The following POLR2F variants were observed in gnomAD, a reference collection of about 807,000 sequenced individuals.
The protein encoded by POLR2F is DNA-directed RNA polymerases I, II, and III subunit RPABC2.
A neutral mutation model predicts 22.7 loss-of-function variants in POLR2F; 12 were observed. That is an observed-to-expected ratio of 0.53 (90% CI 0.34 to 0.86). POLR2F has a LOEUF of 0.86. POLR2F is among the 40% of genes least tolerant of loss of function. POLR2F has a pLI of 0.02. For missense variants in POLR2F, 126 were observed against 171.5 expected (o/e 0.73, Z 1.48); for synonymous variants, 57 against 66.0 (o/e 0.86, Z 0.66).
chr22:37,973,800 G>T, downstream of POLR2F: 1 of 1,595,254 alleles, frequency 6.3e-7, no homozygotes, highest in Non-Finnish European at 8.6e-7. Context: ...TAGTGTGGGG[G>T]CCCCTGGGGC....
intron 4 of POLR2F, among the ~76,000 whole-genome samples, chr22:37,975,544 C>T (rs1240396164): frequency 6.6e-6 from 1 of 152,122 alleles, no homozygotes; most frequent in Non-Finnish European, 1.5e-5. Context: ...GGATGACTGC[C>T]TGGCATCCCA....
rs553785374 is a variant in POLR2F at position 37,956,935 on chromosome 22, T to A, written c.90+93T>A. The A allele has an allele frequency of 1.1e-4, 108 of 983,322 alleles. No homozygotes were observed. The African/African-American group carries it at 1.3e-3, about 12-fold the overall frequency. 60.9% of individuals were successfully genotyped at this position (983,322 alleles called of 1,614,324 possible). On this transcript the variant is annotated intron_variant, in intron 2 of 4. Transcript: ENST00000442738. ...TAGCTGAATGTGTCTGCCTTCTATT[T>A]GTGGTCAAGGCCCCTGCCATAAGCA...
intron 1 of POLR2F, among the ~76,000 whole-genome samples, chr22:38,023,256 C>T (rs560080807): frequency 6.6e-6 from 1 of 152,222 alleles, no homozygotes; most frequent in South Asian, 2.1e-4. Context: ...TCACTGTGCA[C>T]CCATCTCACC....
intron 1 of POLR2F, among the ~76,000 whole-genome samples, chr22:38,002,148 C>G (rs964147321): frequency 5.3e-5 from 8 of 150,878 alleles, no homozygotes; most frequent in African/African-American, 1.5e-4. Context: ...GCACACCTGG[C>G]CTTTTTTTTT....
intron 1 of POLR2F, among the ~76,000 whole-genome samples, chr22:37,955,225 A>G (rs1391732132): frequency 1.5e-5 from 2 of 130,688 alleles, no homozygotes; most frequent in African/African-American, 5.8e-5. Flanking sequence ...TTTTTTTTAG[A>G]TGAGGAAAAG....
chr22:38,020,376 T>C (rs972888399), intron 1 of POLR2F, among the ~76,000 whole-genome samples: 2 of 151,376 alleles, frequency 1.3e-5, no homozygotes, highest in Non-Finnish European at 2.9e-5. Flanking sequence ...GCAATTCTCC[T>C]CCTTCAGCTT....
chr22:38,040,899 TG>T (rs2085165824), intron 5 of POLR2F: 3 of 1,014,958 alleles, frequency 3.0e-6, no homozygotes, highest in Admixed American at 4.2e-5. Flanking sequence ...AAGGGGAACA[TG>T]GGGGCAAGGA....
At chr22:37,995,402 G>T (rs949296093) in intron 1 of POLR2F, among the ~76,000 whole-genome samples, 1 of 152,110 alleles carries the variant, frequency 6.6e-6, no homozygotes, top group Non-Finnish European at 1.5e-5. Flanking sequence ...ATCCTTCCCT[G>T]CTGGGAGACT....
chr22:38,004,095 C>T (rs1456576742), intron 1 of POLR2F, among the ~76,000 whole-genome samples: 1 of 152,076 alleles, frequency 6.6e-6, no homozygotes, highest in African/African-American at 2.4e-5. Flanking sequence ...CTAAAAAAAT[C>T]CTCCTGCCTC....
chr22:37,967,634 G>A lies in POLR2F; in HGVS notation c.303G>A (p.Lys101=), dbSNP rs1162068337. ...LIAMKELKAR[K]IPIIIRRYLP... ...TTCTCCCCTGCCACAGGGCCCGAAA[G>A]ATCCCCATCATCATTCGCCGTTACC... The change falls in exon 5 of 5, where the codon AAG becomes AAA. Residue 101 remains lysine (K), a synonymous_variant. Coordinates refer to ENST00000442738, the MANE Select transcript of POLR2F (RefSeq NM_021974.5). 6.2e-7 allele frequency: 1 copy of A among 1,613,818 alleles called. No homozygotes were observed. Among genetic ancestry groups the A allele is most frequent in the Non-Finnish European group, 8.5e-7 (1 of 1,179,942 alleles).
chr22:37,965,060 GC>G (rs1931799934), intron 3 of POLR2F, among the ~76,000 whole-genome samples: 1 of 152,188 alleles, frequency 6.6e-6, no homozygotes, highest in Non-Finnish European at 1.5e-5. Flanking sequence ...AGGCTGGAGT[GC>G]AGTGGTGCCA....
rs1194024832 is a variant in POLR2F, at chr22:37,967,805, C to T, written c.*90C>T. On this transcript the variant is annotated 3_prime_UTR_variant, in exon 5 of 5. Transcript: ENST00000442738. ...AATAAAATATTCAACTTTCCAACCC[C>T]CTTCCCCTCTGCTTATCTGCAATGT... is the stretch of plus-strand genomic sequence containing the variant. 1.3e-6 allele frequency: 2 copies of T among 1,507,872 alleles called. No individual in the cohort carries two copies. Among genetic ancestry groups the T allele is most frequent in the Admixed American group, 2.2e-5 (1 of 44,728 alleles). 93.4% of individuals were successfully genotyped at this position (1,507,872 alleles called of 1,614,324 possible).
In POLR2F at chr22:37,968,900, T is replaced by A; in HGVS notation, c.*1185T>A. 3.0e-6 allele frequency: 3 copies of A among 985,392 alleles called. No homozygotes were observed. The highest frequency in any genetic ancestry group is 3.6e-6 in the Non-Finnish European group (3 of 829,924). The allele number at this position is 985,392 out of a possible 1,614,324, so 61.0% of individuals were successfully genotyped here. ...GTCCGCTGCCCTGGAGAAGGGTTAA[T>A]TCAGGGAGCAGTGGACTTCACACTC... On this transcript the variant is annotated 3_prime_UTR_variant, in exon 5 of 5. Coordinates refer to ENST00000442738, the MANE Select transcript of POLR2F (RefSeq NM_021974.5).
chr22:38,015,440 T>C (rs1376748675), intron 1 of POLR2F, among the ~76,000 whole-genome samples: 2 of 152,188 alleles, frequency 1.3e-5, no homozygotes, highest in Non-Finnish European at 2.9e-5. Flanking sequence ...CTGGACTCGA[T>C]GTGATCTGGG....
rs2085099956 is a variant in POLR2F at position 38,034,884 on chromosome 22, T to C, written c.453-6184T>C. ...GCTGGGAGTGGTGGGAGGTGAGACC[T>C]GGGGCCGTGGCCTAGGACGAGCTGG... On this transcript the variant is annotated intron_variant, in intron 5 of 5. Coordinates refer to the POLR2F transcript ENST00000407936. Among the ~76,000 whole-genome samples the C allele has an allele frequency of 2.0e-5, 3 of 152,014 alleles. No individual in the cohort carries two copies. The South Asian group carries it at 6.2e-4, about 32-fold the overall frequency.
intron 2 of POLR2F, 90 bp downstream of exon 2, chr22:37,956,932 A>C (rs535401688): frequency 4.9e-6 from 5 of 1,017,748 alleles, no homozygotes; most frequent in Non-Finnish European, 7.8e-6. Context: ...TCTGCCTTCT[A>C]TTTGTGGTCA....
intron 1 of POLR2F, among the ~76,000 whole-genome samples, chr22:38,002,472 A>G (rs1409402176): frequency 6.6e-6 from 1 of 152,126 alleles, no homozygotes; most frequent in African/African-American, 2.4e-5. Flanking sequence ...TCCCAGGCTC[A>G]AGCAATTCTC....
Position 37,978,190 on chromosome 22 carries a change from A to C in POLR2F, c.293+11020A>C. ...GCAGAGGGGCTGGCGTGAATGCCAGAGCACTCCAGGTTGGCCTCCCTCTGA... is the reference window on the plus strand; with the variant it reads ...GCAGAGGGGCTGGCGTGAATGCCAGCGCACTCCAGGTTGGCCTCCCTCTGA... On this transcript the variant is annotated intron_variant, in intron 4 of 4. Coordinates refer to the POLR2F transcript ENST00000405557. The surrounding 1 kb of genome is among the most constrained non-coding windows in gnomAD (Gnocchi z 5.0). The C allele has an allele frequency of 6.8e-7, 1 of 1,464,188 alleles. No homozygotes were observed. Among genetic ancestry groups the C allele is most frequent in the Non-Finnish European group, 9.0e-7 (1 of 1,107,122 alleles). The allele number at this position is 1,464,188 out of a possible 1,614,324, so 90.7% of individuals were successfully genotyped here.
intron 1 of POLR2F, 114 bp from the exon 2 acceptor site, chr22:37,956,659 C>T (rs1318284535): frequency 2.7e-5 from 22 of 819,086 alleles, no homozygotes; most frequent in Middle Eastern, 6.3e-4. Context: ...TCAAGTGATC[C>T]GCCCACTTCA....
Sources: allele counts gnomAD v4.1 joint callset (sites outside exome capture counted in the v4.1 genomes callset), GRCh38; gene constraint gnomAD v4.1.1; non-coding constraint Gnocchi (gnomAD v3.1); transcripts MANE v1.5; gene names NCBI Gene and HGNC (gene_info 2026-07-23, HGNC 2026-07-21).